Variants in DLG2 observed in about 807,000 individuals in gnomAD.
The protein encoded by DLG2 is discs large MAGUK scaffold protein 2.
In DLG2, 45 loss-of-function variants were observed where a neutral mutation model predicts 132.5. The ratio of observed to expected loss-of-function variants is 0.34; its 90% CI spans 0.27 to 0.44. DLG2 has a LOEUF of 0.44. DLG2 is among the 20% of genes least tolerant of loss of function. DLG2 has a pLI of 1.00. For synonymous variants in DLG2, 424 were observed against 419.6 expected, an observed-to-expected ratio of 1.01 and a Z score of -0.13; for missense variants, 1,045 against 1,196.9, an observed-to-expected ratio of 0.87 and a Z score of 1.87.
chr11:85,354,393 C>T (rs1421823850), intron 3 of DLG2, among the ~76,000 whole-genome samples: 1 of 152,106 alleles, frequency 6.6e-6, no homozygotes, highest in East Asian at 1.9e-4. Context: ...ATACGACAGT[C>T]ACTCTCCTGC....
intron 8 of DLG2, among the ~76,000 whole-genome samples, chr11:84,181,765 T>A (rs1021198766): frequency 2.6e-5 from 4 of 152,160 alleles, no homozygotes; most frequent in African/African-American, 9.7e-5. Context: ...CAACGCAAGA[T>A]AAATTATCAG....
chr11:85,125,134 C>T (rs990110423), intron 5 of DLG2, among the ~76,000 whole-genome samples: 2 of 152,130 alleles, frequency 1.3e-5, no homozygotes, highest in South Asian at 2.1e-4. Flanking sequence ...CCAGCCTGAG[C>T]GCAGTAAATG....
intron 17 of DLG2, among the ~76,000 whole-genome samples, chr11:83,799,663 G>A (rs1218900888): frequency 6.6e-6 from 1 of 152,162 alleles, no homozygotes; most frequent in African/African-American, 2.4e-5. Context: ...GTGTCAAAAA[G>A]CTTTAGGATG....
At chr11:83,828,677 G>T (rs546936715) in intron 17 of DLG2, among the ~76,000 whole-genome samples, 6 of 152,140 alleles carry the variant, frequency 3.9e-5, no homozygotes, top group African/African-American at 1.2e-4. Flanking sequence ...CTGTCCCAAA[G>T]AAGGAACAGC....
intron 5 of DLG2, among the ~76,000 whole-genome samples, chr11:85,135,565 G>T (rs1258990997): frequency 6.6e-6 from 1 of 152,182 alleles, no homozygotes; most frequent in South Asian, 2.1e-4. Flanking sequence ...AAAGCACTTT[G>T]TAAACTATAG....
At chr11:85,140,339 A>G (rs908723187) in intron 5 of DLG2, among the ~76,000 whole-genome samples, 2 of 151,912 alleles carry the variant, frequency 1.3e-5, no homozygotes, top group African/African-American at 4.8e-5. Context: ...TTTGACTTTT[A>G]TTTAGAAATA....
chr11:84,421,229 T>G (rs1057153685), intron 7 of DLG2, among the ~76,000 whole-genome samples: 1 of 152,162 alleles, frequency 6.6e-6, no homozygotes, highest in African/African-American at 2.4e-5. Context: ...GTTTCTAGAA[T>G]TGTGAAGAAA....
At chr11:84,545,445 T>C (rs2099387727) in intron 6 of DLG2, 7 of 446,364 alleles carry the variant, frequency 1.6e-5, no homozygotes, top group South Asian at 3.6e-5. Flanking sequence ...TCCACAATCA[T>C]AGTTCATACC....
intron 18 of DLG2, among the ~76,000 whole-genome samples, chr11:83,746,432 A>C (rs939423413): frequency 6.6e-6 from 1 of 152,206 alleles, no homozygotes; most frequent in African/African-American, 2.4e-5. Context: ...TTGTAGGGAC[A>C]TGGATGAAGC....
chr11:85,004,671 G>A (rs1258247112), intron 6 of DLG2, among the ~76,000 whole-genome samples: 1 of 152,072 alleles, frequency 6.6e-6, no homozygotes, highest in East Asian at 1.9e-4. Flanking sequence ...TAGACTGCCT[G>A]TTCACTCTGA....
At chr11:84,931,643 G>A (rs777549949) in intron 6 of DLG2, among the ~76,000 whole-genome samples, 2 of 152,154 alleles carry the variant, frequency 1.3e-5, no homozygotes, top group African/African-American at 2.4e-5. Flanking sequence ...GGGATTGCTG[G>A]GTTAAATGGT....
intron 6 of DLG2, among the ~76,000 whole-genome samples, chr11:84,655,720 CTTTG>C (rs1218151958): frequency 1.4e-5 from 2 of 146,562 alleles, no homozygotes; most frequent in Non-Finnish European, 3.0e-5. Context: ...CCAAACTGTA[CTTTG>C]TTTTTTTTTG....
chr11:85,290,666 T>C (rs888477882), intron 3 of DLG2, among the ~76,000 whole-genome samples: 17 of 152,084 alleles, frequency 1.1e-4, no homozygotes, highest in African/African-American at 3.6e-4. Flanking sequence ...CTGATTTAGA[T>C]TGAATTCATT....
At chr11:83,815,228 T>C (rs1481613524) in intron 17 of DLG2, 1 of 152,610 alleles carries the variant, frequency 6.6e-6, no homozygotes, top group East Asian at 1.9e-4. Flanking sequence ...CTGGCAGTTT[T>C]AGGAAAAGAC....
At chr11:84,016,160 G>T (rs550823167) in intron 11 of DLG2, among the ~76,000 whole-genome samples, 1 of 151,756 alleles carries the variant, frequency 6.6e-6, no homozygotes, top group Non-Finnish European at 1.5e-5. Context: ...TTTCATGTTT[G>T]TTGGCCACAC....
Position 85,230,945 on chromosome 11 carries a change from C to A in DLG2, c.186+54275G>T, listed in dbSNP as rs185746562. Among the ~76,000 whole-genome samples, 295 of 152,048 alleles carry A rather than the reference C, an allele frequency of 1.9e-3. 2 individuals carry two copies. The highest frequency in any genetic ancestry group is 6.7e-3 in the African/African-American group (280 of 41,528). On this transcript the variant is annotated intron_variant, in intron 4 of 27. Coordinates refer to ENST00000376104, the MANE Select transcript of DLG2 (RefSeq NM_001142699.3). ...AAGACACCATCTTGAAAGTAAAGAA[C>A]AAGCCCTTACCAGATACCAAATCTG...
chr11:84,567,675 T>C (rs1302544990), intron 6 of DLG2, among the ~76,000 whole-genome samples: 2 of 152,216 alleles, frequency 1.3e-5, no homozygotes, highest in Non-Finnish European at 2.9e-5. Context: ...CACTTTTTAA[T>C]TCCCCAACAA....
intron 16 of DLG2, among the ~76,000 whole-genome samples, chr11:83,837,297 G>C (rs940881332): frequency 1.3e-5 from 2 of 152,054 alleles, no homozygotes; most frequent in Non-Finnish European, 2.9e-5. Context: ...CTGGGTAAGG[G>C]TACGAGTTCA....
intron 3 of DLG2, among the ~76,000 whole-genome samples, chr11:85,417,667 T>A (rs2089977430): frequency 6.6e-6 from 1 of 152,216 alleles, no homozygotes; most frequent in African/African-American, 2.4e-5. Flanking sequence ...CTTGCTTTAG[T>A]CTTGTGAGGG....
Sources: gnomAD v4.1 joint callset for allele counts (sites outside exome capture counted in the v4.1 genomes callset) on GRCh38, gnomAD v4.1.1 for gene constraint, MANE v1.5 for transcripts, NCBI Gene and HGNC (gene_info 2026-07-23, HGNC 2026-07-21) for gene names.